Variants in FOXJ3 observed in about 807,000 individuals in gnomAD.
FOXJ3 encodes forkhead box protein J3.
In FOXJ3, 22 loss-of-function variants were observed where a neutral mutation model predicts 76.1. The observed-to-expected ratio is 0.29, with a 90% CI of 0.21 to 0.41. The LOEUF is 0.41. FOXJ3 is among the 10% of genes least tolerant of loss of function. The pLI is 1.00. For missense variants in FOXJ3, 613 were observed against 762.1 expected, an observed-to-expected ratio of 0.80 and a Z score of 2.30; for synonymous variants, 269 against 261.2, an observed-to-expected ratio of 1.03 and a Z score of -0.29.
At chr1:42,270,636 A>AT (rs1557688895) in intron 3 of FOXJ3, among the ~76,000 whole-genome samples, 1 of 152,080 alleles carries the variant, frequency 6.6e-6, no homozygotes, top group African/African-American at 2.4e-5. Flanking sequence ...TAATTAGGTG[A>AT]TTTTTTTCAA....
chr1:42,274,505 G>T (rs1335574960), intron 3 of FOXJ3, among the ~76,000 whole-genome samples: 1 of 152,040 alleles, frequency 6.6e-6, no homozygotes, highest in Non-Finnish European at 1.5e-5. Flanking sequence ...ACCAAGTCTG[G>T]TACCAAATCC....
chr1:42,306,427 C>T (rs1001514255), intron 2 of FOXJ3, among the ~76,000 whole-genome samples: 16 of 151,246 alleles, frequency 1.1e-4, no homozygotes, highest in African/African-American at 3.6e-4. Context: ...CTCAGCCTCC[C>T]GAGTAGCTGG....
intron 5 of FOXJ3, among the ~76,000 whole-genome samples, chr1:42,220,080 C>G (rs1486978520): frequency 6.6e-6 from 1 of 152,182 alleles, no homozygotes; most frequent in African/African-American, 2.4e-5. Context: ...CTTACCTGGG[C>G]TAAGCATACA....
At chr1:42,185,639 C>T (rs1043870389) in intron 11 of FOXJ3, among the ~76,000 whole-genome samples, 5 of 152,046 alleles carry the variant, frequency 3.3e-5, no homozygotes, top group African/African-American at 1.2e-4. Context: ...CAAAGCTAGA[C>T]ACAGAAAAGG....
At chr1:42,256,638 T>C (rs1244323983) in intron 4 of FOXJ3, among the ~76,000 whole-genome samples, 1 of 152,196 alleles carries the variant, frequency 6.6e-6, no homozygotes, top group Non-Finnish European at 1.5e-5. Flanking sequence ...CTGTTGGGAA[T>C]GTAAAATAGC....
chr1:42,308,807 A>G (rs1654622152), intron 2 of FOXJ3, among the ~76,000 whole-genome samples: 1 of 152,162 alleles, frequency 6.6e-6, no homozygotes, highest in African/African-American at 2.4e-5. Flanking sequence ...CAAAAGTTAC[A>G]CACATATTAT....
intron 4 of FOXJ3, among the ~76,000 whole-genome samples, chr1:42,250,856 A>T (rs1194681955): frequency 1.3e-5 from 2 of 151,426 alleles, no homozygotes; most frequent in African/African-American, 4.8e-5. Flanking sequence ...CCAAAATATT[A>T]GACAGAATCA....
chr1:42,191,193 G>C, intron 9 of FOXJ3, 110 bp downstream of exon 9: 1 of 991,014 alleles, frequency 1.0e-6, no homozygotes, highest in Admixed American at 2.7e-5. Flanking sequence ...TTATAGCAAG[G>C]AAACAGATGT....
At position 42,191,491 on chromosome 1, in the gene FOXJ3, T is replaced by A. The variant is rs762986913; in HGVS notation, c.1163A>T (p.His388Leu). The change falls in exon 9 of 13, where the codon CAT (histidine) becomes CTT (leucine). Residue 388 changes from histidine (H) to leucine (L), a missense_variant. This residue lies in a region of FOXJ3 where 526 missense variants were observed against 601.4 expected (regional missense o/e 0.87). Transcript: ENST00000361346. ...ACGCTGCGGATGCTGCGGTAAACCA[T>A]GCGGTCGATGGGGAGGATGTGGAGA... Reference protein sequence around the residue: ...QPSPHPPHRPHGLPQHPQRSP... With the variant: ...QPSPHPPHRPLGLPQHPQRSP... The A allele has an allele frequency of 6.2e-7, 1 of 1,613,876 alleles. No individual in the cohort carries two copies. The highest frequency in any genetic ancestry group is 1.7e-5 in the Admixed American group (1 of 59,986).
chr1:42,232,869 C>G (rs1458995068), intron 4 of FOXJ3, among the ~76,000 whole-genome samples: 4 of 152,190 alleles, frequency 2.6e-5, no homozygotes, highest in African/African-American at 9.7e-5. Flanking sequence ...AGCCTTTGCC[C>G]ATGCCAATGT....
intron 5 of FOXJ3, among the ~76,000 whole-genome samples, chr1:42,217,673 T>C (rs1414871285): frequency 6.6e-6 from 1 of 152,172 alleles, no homozygotes. Context: ...AAATACAACA[T>C]TTTTATGGAT....
intron 5 of FOXJ3, among the ~76,000 whole-genome samples, chr1:42,224,171 A>G (rs1441667477): frequency 2.0e-5 from 3 of 152,246 alleles, no homozygotes; most frequent in African/African-American, 7.2e-5. Flanking sequence ...CAGAAAAGAA[A>G]TATGAGATTC....
rs1654243841 is a variant in FOXJ3 at position 42,302,917 on chromosome 1, CCTGT to C, written c.44+8129_44+8132del. ...CTCCCTGAAATAAAAAAAAAAACCT[CCTGT>C]CTTTTGCTAACAAAAGAGCAAAATA... On this transcript the variant is annotated intron_variant, in intron 2 of 12. Transcript: ENST00000361346. Among the ~76,000 whole-genome samples the C allele has an allele frequency of 4.0e-5, 6 of 150,926 alleles. No individual in the cohort carries two copies. In the South Asian group the frequency reaches 1.2e-3, roughly 31 times the overall value.
chr1:42,333,345 G>GT (rs568410365), intron 1 of FOXJ3, among the ~76,000 whole-genome samples: 1 of 151,772 alleles, frequency 6.6e-6, no homozygotes, highest in African/African-American at 2.4e-5. Flanking sequence ...GAAACATTAA[G>GT]TTTTTTTATT....
chr1:42,281,824 C>T (rs770671728), intron 2 of FOXJ3, among the ~76,000 whole-genome samples: 2 of 152,020 alleles, frequency 1.3e-5, no homozygotes, highest in Non-Finnish European at 2.9e-5. Context: ...TTTGGGAGGC[C>T]GAGGCAGGCG....
chr1:42,237,391 T>C (rs868440129), intron 4 of FOXJ3, among the ~76,000 whole-genome samples: 15 of 69,126 alleles, frequency 2.2e-4, no homozygotes, highest in Admixed American at 6.3e-4. Flanking sequence ...TATATATATA[T>C]ACATACATAC....
chr1:42,235,571 T>G (rs546238697), intron 4 of FOXJ3, among the ~76,000 whole-genome samples: 12 of 87,380 alleles, frequency 1.4e-4, no homozygotes, highest in East Asian at 2.2e-4. Context: ...TGTTTTTTTG[T>G]TTTTTTTTTG....
intron 5 of FOXJ3, among the ~76,000 whole-genome samples, chr1:42,227,358 T>C (rs1356291599): frequency 6.6e-6 from 1 of 152,272 alleles, no homozygotes; most frequent in African/African-American, 2.4e-5. Flanking sequence ...ATATTAACTA[T>C]AGTTCCTTTT....
intron 5 of FOXJ3, among the ~76,000 whole-genome samples, chr1:42,226,761 C>G (rs1647606016): frequency 6.6e-6 from 1 of 152,174 alleles, no homozygotes; most frequent in Non-Finnish European, 1.5e-5. Context: ...ACTGAATTCC[C>G]TCTGCTGAAT....
Sources: allele counts gnomAD v4.1 joint callset (sites outside exome capture counted in the v4.1 genomes callset), GRCh38; gene constraint gnomAD v4.1.1; regional missense constraint gnomAD v4.1.1; transcripts MANE v1.5; gene names NCBI Gene and HGNC (gene_info 2026-07-23, HGNC 2026-07-21).